VPS13B: variants seen among roughly 807,000 people sequenced by gnomAD.
The protein encoded by VPS13B is intermembrane lipid transfer protein VPS13B.
A neutral mutation model predicts 426.4 loss-of-function variants in VPS13B; 285 were observed. The observed-to-expected ratio is 0.67, with a 90% CI of 0.61 to 0.74. VPS13B has a LOEUF of 0.74. VPS13B is among the 30% of genes least tolerant of loss of function. The pLI is 0.00. For synonymous variants in VPS13B, 1,676 were observed against 1,676.4 expected, an observed-to-expected ratio of 1.00 and a Z score of 0.01; for missense variants, 4,537 against 4,782.6, an observed-to-expected ratio of 0.95 and a Z score of 1.51.
intron 29 of VPS13B, among the ~76,000 whole-genome samples, chr8:99,511,924 G>A (rs1220640961): frequency 1.3e-5 from 2 of 152,148 alleles, no homozygotes; most frequent in Non-Finnish European, 2.9e-5. Flanking sequence ...GACCACTGGA[G>A]CCCAGGAGTT....
chr8:99,072,631 TTTGGGGTTTTGAGG>T lies in VPS13B; in HGVS notation c.292-23679_292-23666del, dbSNP rs576181179. On this transcript the variant is annotated intron_variant, in intron 3 of 61. Transcript: ENST00000357162. ...CATTCGTGTATTTCTGTTTTTATTG[TTTGGGGTTTTGAGG>T]TCATAACCGTAAAATCTTTGCCTAG... Among the ~76,000 whole-genome samples the T allele has an allele frequency of 1.4e-3, 217 of 152,280 alleles. 1 individual carries two copies. The highest frequency in any genetic ancestry group is 5.1e-3 in the African/African-American group (212 of 41,556).
chr8:99,312,811 G>A (rs1420223175), intron 19 of VPS13B, among the ~76,000 whole-genome samples: 1 of 152,194 alleles, frequency 6.6e-6, no homozygotes, highest in East Asian at 1.9e-4. Context: ...ACACCAATCA[G>A]ACATAGATTT....
chr8:99,520,389 T>TTGTGTGTGTGTGTGTGTG (rs140216567), intron 29 of VPS13B, among the ~76,000 whole-genome samples: 2 of 138,496 alleles, frequency 1.4e-5, no homozygotes, highest in African/African-American at 2.7e-5. Context: ...GTGATATACT[T>TTGTGTGTGTGTGTGTGTG]TGTGTGTGTG....
intron 42 of VPS13B, among the ~76,000 whole-genome samples, chr8:99,782,392 A>G (rs1235117788): frequency 1.3e-5 from 2 of 152,094 alleles, no homozygotes; most frequent in African/African-American, 4.8e-5. Context: ...TATGGAGACA[A>G]TATTGAACCC....
intron 30 of VPS13B, among the ~76,000 whole-genome samples, chr8:99,525,638 C>T (rs752974619): frequency 6.6e-6 from 1 of 152,164 alleles, no homozygotes; most frequent in African/African-American, 2.4e-5. Context: ...AGGCACTATT[C>T]TAGATACTGG....
At chr8:99,251,544 A>T (rs912907860) in intron 17 of VPS13B, among the ~76,000 whole-genome samples, 5 of 152,124 alleles carry the variant, frequency 3.3e-5, no homozygotes, top group Non-Finnish European at 5.9e-5. Flanking sequence ...TTATATTTGT[A>T]TTTACAAACA....
intron 43 of VPS13B, among the ~76,000 whole-genome samples, chr8:99,788,521 G>A (rs550022007): frequency 2.3e-4 from 35 of 152,074 alleles, no homozygotes; most frequent in Middle Eastern, 3.4e-3. Flanking sequence ...TTAAAGCAGA[G>A]GTGGCAAACT....
intron 17 of VPS13B, among the ~76,000 whole-genome samples, chr8:99,200,353 C>A (rs4734427): frequency 0.076 from 11,592 of 152,000 alleles, 648 homozygotes; most frequent in African/African-American, 0.16. Context: ...AATAATGTTG[C>A]TTTGAATATT....
At chr8:99,336,914 G>A (rs1006209944) in intron 19 of VPS13B, among the ~76,000 whole-genome samples, 2 of 152,048 alleles carry the variant, frequency 1.3e-5, no homozygotes, top group East Asian at 1.9e-4. Flanking sequence ...CACTGTTGGT[G>A]GGACTGTAAA....
At chr8:99,658,189 T>C (rs1198651394) in intron 34 of VPS13B, among the ~76,000 whole-genome samples, 1 of 152,148 alleles carries the variant, frequency 6.6e-6, no homozygotes, top group Non-Finnish European at 1.5e-5. Flanking sequence ...AAGTAAAAGT[T>C]AACAGATTTT....
intron 19 of VPS13B, among the ~76,000 whole-genome samples, chr8:99,276,113 G>A (rs913954293): frequency 3.9e-5 from 6 of 152,110 alleles, no homozygotes; most frequent in Non-Finnish European, 8.8e-5. Flanking sequence ...ACTATGAAAA[G>A]ATTTGCAACT....
chr8:99,728,664 AGC>A lies in VPS13B; in HGVS notation c.7050+7618_7050+7619del, dbSNP rs1220914768. On this transcript the variant is annotated intron_variant, in intron 39 of 61. Transcript: ENST00000357162. The stretch of plus-strand genomic sequence containing the variant: ...GTGATTGATGAATGCTTTCATTGAG[AGC>A]AACTGCTGTAAGAGACACTATCTTC... Among the ~76,000 whole-genome samples, 11 of 152,314 alleles carry A rather than the reference AGC, an allele frequency of 7.2e-5. No individual in the cohort carries two copies. In the East Asian group the frequency reaches 2.1e-3, roughly 29 times the overall value.
chr8:99,042,115 G>A (rs1340012024), intron 3 of VPS13B, among the ~76,000 whole-genome samples: 1 of 151,640 alleles, frequency 6.6e-6, no homozygotes, highest in Non-Finnish European at 1.5e-5. Context: ...ACTCCAGCCT[G>A]GGCAACAAGA....
At position 99,425,794 on chromosome 8, in the gene VPS13B, T is replaced by C. The variant is rs1394472283; in HGVS notation, c.3083-5743T>C. 2.6e-5 allele frequency among the ~76,000 whole-genome samples: 4 copies of C among 152,330 alleles called. No individual in the cohort carries two copies. In the East Asian group the frequency reaches 7.7e-4, roughly 29 times the overall value. ...TTTGCAGATGACATGATTGGATATC[T>C]AGAAAACCCCATCATCTCAGCCCAA... On this transcript the variant is annotated intron_variant, in intron 21 of 61. Coordinates refer to ENST00000357162, the MANE Select transcript of VPS13B (RefSeq NM_152564.5).
At chr8:99,034,052 T>A (rs1842632592) in intron 2 of VPS13B, among the ~76,000 whole-genome samples, 1 of 152,248 alleles carries the variant, frequency 6.6e-6, no homozygotes, top group Non-Finnish European at 1.5e-5. Flanking sequence ...TTTGCATGTG[T>A]CATAGTTGTT....
intron 43 of VPS13B, among the ~76,000 whole-genome samples, chr8:99,805,660 G>A (rs527888331): frequency 1.3e-5 from 2 of 152,230 alleles, no homozygotes; most frequent in East Asian, 3.9e-4. Flanking sequence ...TATGAATTTA[G>A]TCTGGCTGCC....
At chr8:99,277,306 A>C (rs551238929) in intron 19 of VPS13B, among the ~76,000 whole-genome samples, 1 of 152,092 alleles carries the variant, frequency 6.6e-6, no homozygotes, top group South Asian at 2.1e-4. Flanking sequence ...AACTACATTC[A>C]CATAGTTTAT....
chr8:99,567,241 C>A (rs1223475613), intron 31 of VPS13B, among the ~76,000 whole-genome samples: 1 of 152,054 alleles, frequency 6.6e-6, no homozygotes, highest in Admixed American at 6.6e-5. Flanking sequence ...TTGAAAAGTT[C>A]TAACAAGTAA....
chr8:99,453,323 C>T (rs146068465), intron 23 of VPS13B, among the ~76,000 whole-genome samples: 2 of 152,140 alleles, frequency 1.3e-5, no homozygotes, highest in Admixed American at 6.5e-5. Context: ...TGACTTTAAT[C>T]CTCAAACCGT....
Sources: gnomAD v4.1 joint callset for allele counts (sites outside exome capture counted in the v4.1 genomes callset) on GRCh38, gnomAD v4.1.1 for gene constraint, MANE v1.5 for transcripts, NCBI Gene and HGNC (gene_info 2026-07-23, HGNC 2026-07-21) for gene names.